The following CSMD1 variants were observed in gnomAD, a reference collection of about 807,000 sequenced individuals.
The protein encoded by CSMD1 is CUB and sushi domain-containing protein 1.
CSMD1 carries 213 observed loss-of-function variants against 417.5 expected under a neutral mutation model. The ratio of observed to expected loss-of-function variants is 0.51; its 90% CI spans 0.46 to 0.57. CSMD1 has a LOEUF of 0.57. Ranked by LOEUF, CSMD1 falls within the 20% of genes least tolerant of loss-of-function variation. The probability of loss-of-function intolerance (pLI) is 0.00; values close to 1 mark genes in which losing one functional copy is unlikely to be tolerated. For synonymous variants in CSMD1, 2,862 were observed against 1,736.8 expected, an observed-to-expected ratio of 1.65 and a Z score of -16.11; for missense variants, 6,923 against 4,529.7, an observed-to-expected ratio of 1.53 and a Z score of -15.17.
rs904451348 is a variant in CSMD1 at position 4,244,536 on chromosome 8, TC to T, written c.415+175416del. ...TTAGCAAGTCAAATAAAATTTTCTT[TC>T]TTTTTTCTTATCAGGTTTAATGGGA... On this transcript the variant is annotated intron_variant, in intron 3 of 69. Coordinates refer to ENST00000635120, the MANE Select transcript of CSMD1 (RefSeq NM_033225.6). 1.5e-3 allele frequency among the ~76,000 whole-genome samples: 228 copies of T among 151,782 alleles called. 2 individuals carry two copies. Among genetic ancestry groups the T allele is most frequent in the Admixed American group, 0.01 (156 of 15,218 alleles).
chr8:3,397,288 G>C (rs1811762410), intron 16 of CSMD1, among the ~76,000 whole-genome samples: 1 of 152,188 alleles, frequency 6.6e-6, no homozygotes, highest in South Asian at 2.1e-4. Context: ...CATTAGCTCT[G>C]TGCTGGATGT....
intron 5 of CSMD1, among the ~76,000 whole-genome samples, chr8:3,763,693 A>C (rs1278026683): frequency 6.6e-6 from 1 of 152,186 alleles, no homozygotes; most frequent in East Asian, 1.9e-4. Flanking sequence ...CTTTGTGGCT[A>C]AACAGTGTCA....
rs930088717 is a variant in CSMD1, at chr8:2,965,967, G to A, written c.9101-13C>T. ...CCACAACTTATAACTAATAAACAGG[G>A]AACAGGAAAGAATCAGAGAAATTCA... is the stretch of plus-strand genomic sequence containing the variant. On this transcript the variant is annotated splice_polypyrimidine_tract_variant and intron_variant, in intron 58 of 69. Transcript: ENST00000635120. The A allele has an allele frequency of 5.0e-6, 8 of 1,584,690 alleles. No individual in the cohort carries two copies. The highest frequency in any genetic ancestry group is 4.5e-5 in the East Asian group (2 of 43,964).
At chr8:4,115,615 T>C (rs773787556) in intron 3 of CSMD1, among the ~76,000 whole-genome samples, 4 of 152,200 alleles carry the variant, frequency 2.6e-5, no homozygotes, top group Non-Finnish European at 4.4e-5. Context: ...ATATACGTGA[T>C]CAAACTCCAC....
At chr8:3,709,680 G>T (rs866520906) in intron 6 of CSMD1, among the ~76,000 whole-genome samples, 89 of 33,644 alleles carry the variant, frequency 2.6e-3, no homozygotes, top group South Asian at 0.013. Context: ...GCAGCAGCAT[G>T]TTTTTTTTTT....
chr8:4,189,743 A>G (rs1279995734), intron 3 of CSMD1, among the ~76,000 whole-genome samples: 1 of 152,228 alleles, frequency 6.6e-6, no homozygotes, highest in East Asian at 1.9e-4. Flanking sequence ...TGACATTAGA[A>G]ATCTTGATAA....
At chr8:4,314,321 T>C (rs958192720) in intron 3 of CSMD1, among the ~76,000 whole-genome samples, 2 of 152,292 alleles carry the variant, frequency 1.3e-5, no homozygotes, top group Admixed American at 1.3e-4. Flanking sequence ...ATACATTCAC[T>C]AGCCCAACAG....
intron 3 of CSMD1, among the ~76,000 whole-genome samples, chr8:4,352,213 G>A (rs181734500): frequency 6.6e-6 from 1 of 152,278 alleles, no homozygotes; most frequent in African/African-American, 2.4e-5. Context: ...GCCCCACTTA[G>A]AGCTAATGCA....
chr8:4,922,126 T>C (rs571305411), intron 1 of CSMD1, among the ~76,000 whole-genome samples: 3 of 152,252 alleles, frequency 2.0e-5, no homozygotes, highest in South Asian at 4.1e-4. Context: ...AGATTACCCA[T>C]TGCCTTGCAG....
In CSMD1 at chr8:4,994,436, G is replaced by T. The variant is rs1201364788; in HGVS notation, c.-20C>A. ...AGTCATGTCTGCAGATACTCCACAC[G>T]CACGCGACACCGATGGCTCCTCCGA... On this transcript the variant is annotated 5_prime_UTR_variant, in exon 1 of 70. Transcript: ENST00000635120. 1.2e-6 allele frequency: 2 copies of T among 1,601,994 alleles called. No individual in the cohort carries two copies. The highest frequency in any genetic ancestry group is 1.7e-6 in the Non-Finnish European group (2 of 1,172,508).
rs1016345898 is a variant in CSMD1, at chr8:4,739,477, G to A, written c.86-101919C>T. Among the ~76,000 whole-genome samples, 4 of 152,260 alleles carry A rather than the reference G, an allele frequency of 2.6e-5. No individual in the cohort carries two copies. The East Asian group carries it at 7.7e-4, about 29-fold the overall frequency. On this transcript the variant is annotated intron_variant, in intron 1 of 69. Transcript: ENST00000635120. The stretch of plus-strand genomic sequence containing the variant: ...TGAATATTATCTAATTGAATTTGTT[G>A]TAATGATAGATGAAGTAACAAAACT...
At chr8:4,799,807 T>A (rs886185925) in intron 1 of CSMD1, among the ~76,000 whole-genome samples, 11 of 152,028 alleles carry the variant, frequency 7.2e-5, no homozygotes, top group Admixed American at 7.2e-4. Flanking sequence ...AGTGACAATA[T>A]GCAAAGAGAT....
intron 26 of CSMD1, among the ~76,000 whole-genome samples, chr8:3,275,845 A>C (rs540504525): frequency 0.27 from 41,269 of 151,202 alleles, 5,824 homozygotes; most frequent in African/African-American, 0.34. Flanking sequence ...CTTTTTTCAT[A>C]GTTTTCAACT....
At chr8:4,216,610 G>T (rs555772600) in intron 3 of CSMD1, among the ~76,000 whole-genome samples, 1 of 152,190 alleles carries the variant, frequency 6.6e-6, no homozygotes, top group African/African-American at 2.4e-5. Context: ...TGAGGACACC[G>T]TGAAGTGTGA....
rs5889002 is a variant in CSMD1, at chr8:3,940,889, T to TCC, written c.818+57012_818+57013dup. ...CTTCTTCCTTATGCCATCTCCCTTC[T>TCC]CCCCCCGAGATTATGTCTACATTTA... On this transcript the variant is annotated intron_variant, in intron 5 of 69. Transcript: ENST00000635120. Among the ~76,000 whole-genome samples, 1,181 of 150,650 alleles carry TCC rather than the reference T, an allele frequency of 7.8e-3. 16 individuals are homozygous for TCC. The highest frequency in any genetic ancestry group is 0.027 in the African/African-American group (1,103 of 41,054).
chr8:3,438,446 A>C (rs1443317901), intron 12 of CSMD1, among the ~76,000 whole-genome samples: 1 of 151,782 alleles, frequency 6.6e-6, no homozygotes, highest in African/African-American at 2.4e-5. Flanking sequence ...TCCCTCCTTA[A>C]CTCCTGGCCA....
In CSMD1 at chr8:3,118,419, T is replaced by C. The variant is rs1816990972; in HGVS notation, c.6410A>G (p.Tyr2137Cys). The C allele has an allele frequency of 1.2e-6, 2 of 1,613,112 alleles. No homozygotes were observed. Among genetic ancestry groups the C allele is most frequent in the Middle Eastern group, 1.6e-4 (1 of 6,080 alleles). ...CQHGINRNWN[Y>C]PFPRCDAPCG... ...CTTACCATCACATCTTGGAAAAGGG[T>C]AGTTCCAGTTTCTGTTGATCCCATG... The change falls in exon 42 of 70, where the codon TAC (tyrosine) becomes TGC (cysteine). Residue 2137 changes from tyrosine to cysteine, a missense_variant. Physicochemically the swap from Tyr to Cys is radical, Grantham distance 194. Transcript: ENST00000635120.
chr8:4,880,816 CT>C (rs1277026497), intron 1 of CSMD1, among the ~76,000 whole-genome samples: 1 of 152,050 alleles, frequency 6.6e-6, no homozygotes, highest in African/African-American at 2.4e-5. Context: ...AAAGTTTTCA[CT>C]TTTGTTGTCA....
chr8:3,780,936 T>C (rs892368432), intron 5 of CSMD1, among the ~76,000 whole-genome samples: 3 of 152,190 alleles, frequency 2.0e-5, no homozygotes, highest in African/African-American at 4.8e-5. Flanking sequence ...GCTTTCTAAA[T>C]GTAAAAATAA....
Sources: gnomAD v4.1 joint callset for allele counts (sites outside exome capture counted in the v4.1 genomes callset) on GRCh38, gnomAD v4.1.1 for gene constraint, MANE v1.5 for transcripts, NCBI Gene and HGNC (gene_info 2026-07-23, HGNC 2026-07-21) for gene names.